EYS: variants seen among roughly 807,000 people sequenced by gnomAD.
EYS encodes the protein protein eyes shut homolog.
EYS carries 250 observed loss-of-function variants against 282.1 expected under a neutral mutation model. The ratio of observed to expected loss-of-function variants is 0.89; its 90% CI spans 0.80 to 0.98. The LOEUF is 0.98. Ranked by LOEUF, EYS falls within the 50% of genes least tolerant of loss-of-function variation. The pLI, the probability that EYS is intolerant of heterozygous loss-of-function variation, is 0.00. For synonymous variants in EYS, 1,355 were observed against 1,282.9 expected, an observed-to-expected ratio of 1.06 and a Z score of -1.20; for missense variants, 4,016 against 3,709.0, an observed-to-expected ratio of 1.08 and a Z score of -2.15.
intron 1 of EYS, among the ~76,000 whole-genome samples, chr6:65,701,041 T>A (rs987668943): frequency 6.6e-5 from 10 of 152,208 alleles, no homozygotes; most frequent in African/African-American, 9.6e-5. Context: ...CACAGGTTGC[T>A]TTCAACTCCC....
Position 64,902,420 on chromosome 6 carries a change from T to G in EYS, c.2722A>C (p.Met908Leu). Residue 908 changes from methionine to leucine, a missense_variant, in exon 17 of 43, where the codon ATG (methionine) becomes CTG (leucine). Coordinates refer to ENST00000503581, the MANE Select transcript of EYS (RefSeq NM_001142800.2). ...SCQDYGDCED[M>L]VNNFRCICRP... ...TTTCTGTACCTGAAATTGTTGACCATATCTTCACAGTCACCATAATCCTGG... is the reference window on the plus strand; with the variant it reads ...TTTCTGTACCTGAAATTGTTGACCAGATCTTCACAGTCACCATAATCCTGG... 6.5e-7 allele frequency: 1 copy of G among 1,539,704 alleles called. No individual in the cohort carries two copies. The highest frequency in any genetic ancestry group is 8.7e-7 in the Non-Finnish European group (1 of 1,143,532).
At chr6:64,361,197 A>C (rs1771989865) in intron 29 of EYS, among the ~76,000 whole-genome samples, 1 of 115,714 alleles carries the variant, frequency 8.6e-6, no homozygotes, top group South Asian at 3.1e-4. Context: ...TTTATGATTT[A>C]ATCAGAAAAT....
chr6:64,396,543 T>C (rs2150433091), intron 28 of EYS, among the ~76,000 whole-genome samples: 1 of 152,252 alleles, frequency 6.6e-6, no homozygotes, highest in East Asian at 1.9e-4. Context: ...TTTTTGAAAC[T>C]ATATTTTAGT....
chr6:64,078,978 T>C (rs1771865986), intron 32 of EYS, among the ~76,000 whole-genome samples: 1 of 152,062 alleles, frequency 6.6e-6, no homozygotes, highest in South Asian at 2.1e-4. Flanking sequence ...CTATGAGCTG[T>C]TTTTAGTTGG....
At chr6:64,147,513 C>T (rs140705394) in intron 31 of EYS, among the ~76,000 whole-genome samples, 5 of 152,268 alleles carry the variant, frequency 3.3e-5, no homozygotes, top group East Asian at 1.9e-4. Flanking sequence ...GGCACTGTGG[C>T]ACTGACCATG....
At chr6:65,309,086 C>A (rs1769087040) in intron 11 of EYS, among the ~76,000 whole-genome samples, 1 of 152,216 alleles carries the variant, frequency 6.6e-6, no homozygotes, top group East Asian at 1.9e-4. Flanking sequence ...TTAGAAAAAA[C>A]TAGTGTGGAG....
chr6:63,815,173 A>C (rs529384175), intron 36 of EYS, among the ~76,000 whole-genome samples: 34 of 152,222 alleles, frequency 2.2e-4, no homozygotes, highest in Non-Finnish European at 4.1e-4. Flanking sequence ...TAAAAATAGC[A>C]ATTATAGTAT....
At position 64,974,508 on chromosome 6, in the gene EYS, G is replaced by A. The variant is rs150800191; in HGVS notation, c.2259+23074C>T. Among the ~76,000 whole-genome samples the A allele has an allele frequency of 4.6e-5, 7 of 151,726 alleles. No individual in the cohort carries two copies. In the East Asian group the frequency reaches 9.8e-4, roughly 21 times the overall value. On this transcript the variant is annotated intron_variant, in intron 14 of 42. Coordinates refer to ENST00000503581, the MANE Select transcript of EYS (RefSeq NM_001142800.2). Reference sequence around the variant, plus strand: ...TAACCCCATCAGGAAGGATAATTAAGCATTTTAATATTTGTTCTTAGAGTG... The same window carrying A: ...TAACCCCATCAGGAAGGATAATTAAACATTTTAATATTTGTTCTTAGAGTG...
At chr6:63,872,117 T>G (rs1335752772) in intron 35 of EYS, among the ~76,000 whole-genome samples, 2 of 152,182 alleles carry the variant, frequency 1.3e-5, no homozygotes, top group Non-Finnish European at 2.9e-5. Flanking sequence ...TGGGCAGGAA[T>G]TCTAGCAAGT....
chr6:64,004,494 A>G (rs1475459534), intron 33 of EYS, among the ~76,000 whole-genome samples: 1 of 151,776 alleles, frequency 6.6e-6, no homozygotes. Context: ...GTTCAGGGGT[A>G]CCTGTTGCAG....
chr6:64,545,133 T>C (rs1035788398), intron 26 of EYS, among the ~76,000 whole-genome samples: 3 of 152,034 alleles, frequency 2.0e-5, no homozygotes, highest in Non-Finnish European at 4.4e-5. Flanking sequence ...AAAATACTGG[T>C]AAACCAAATC....
intron 11 of EYS, among the ~76,000 whole-genome samples, chr6:65,306,567 T>G (rs1351734388): frequency 6.6e-6 from 1 of 152,030 alleles, no homozygotes; most frequent in Non-Finnish European, 1.5e-5. Flanking sequence ...TAAACTGGTA[T>G]TAGTCAATGT....
chr6:65,403,506 A>AT lies in EYS; in HGVS notation c.1057-902dup, dbSNP rs199907219. On this transcript the variant is annotated intron_variant, in intron 6 of 42. Transcript: ENST00000503581. ...AAAGCCCGTATACTTAAAATTGATG[A>AT]TTTTTTTATTCTCATTGAATCCAAT... Among the ~76,000 whole-genome samples the AT allele has an allele frequency of 4.1e-3, 622 of 151,982 alleles. 5 individuals carry two copies. Among genetic ancestry groups the AT allele is most frequent in the African/African-American group, 0.014 (587 of 41,484 alleles).
chr6:64,472,066 C>T (rs994238742), intron 26 of EYS, among the ~76,000 whole-genome samples: 1 of 152,100 alleles, frequency 6.6e-6, no homozygotes, highest in African/African-American at 2.4e-5. Context: ...CAGAGATTTC[C>T]TGTTTGCTTT....
At chr6:64,894,592 G>A (rs1230982872) in intron 18 of EYS, among the ~76,000 whole-genome samples, 2 of 152,124 alleles carry the variant, frequency 1.3e-5, no homozygotes, top group Non-Finnish European at 2.9e-5. Context: ...TTATGTCACA[G>A]ACTCAGTCAC....
intron 22 of EYS, among the ~76,000 whole-genome samples, chr6:64,774,305 G>A (rs1233047451): frequency 6.6e-6 from 1 of 151,764 alleles, no homozygotes; most frequent in Non-Finnish European, 1.5e-5. Context: ...ATAAGGAAGG[G>A]GAAACAGCAG....
chr6:65,054,017 G>C (rs1773346606), intron 13 of EYS, among the ~76,000 whole-genome samples: 1 of 151,832 alleles, frequency 6.6e-6, no homozygotes, highest in Non-Finnish European at 1.5e-5. Flanking sequence ...GAGTTTCTAA[G>C]TTTTACAAAT....
chr6:64,450,185 A>T, intron 26 of EYS, among the ~76,000 whole-genome samples: 1 of 152,022 alleles, frequency 6.6e-6, no homozygotes, highest in Non-Finnish European at 1.5e-5. Context: ...ACAGAAGACA[A>T]AAAAAAGGCA....
At chr6:64,682,405 A>G (rs893590514) in intron 22 of EYS, among the ~76,000 whole-genome samples, 1 of 152,088 alleles carries the variant, frequency 6.6e-6, no homozygotes, top group African/African-American at 2.4e-5. Context: ...ACAAAAAGTG[A>G]TTCACTGGCA....
Sources: allele counts gnomAD v4.1 joint callset (sites outside exome capture counted in the v4.1 genomes callset), GRCh38; gene constraint gnomAD v4.1.1; transcripts MANE v1.5; gene names NCBI Gene and HGNC (gene_info 2026-07-23, HGNC 2026-07-21).